The following TEX36 variants were observed in gnomAD, a reference collection of about 807,000 sequenced individuals.
TEX36 encodes the protein testis-expressed protein 36.
In TEX36, 12 loss-of-function variants were observed where a neutral mutation model predicts 13.6. The ratio of observed to expected loss-of-function variants is 0.88; its 90% confidence interval spans 0.56 to 1.43. The LOEUF (loss-of-function observed/expected upper bound fraction) is 1.43, where lower values mean the gene tolerates loss of function less well. TEX36 is among the 40% of genes most tolerant of loss of function. The probability of loss-of-function intolerance (pLI) is 0.00; values close to 1 mark genes in which losing one functional copy is unlikely to be tolerated. For synonymous variants in TEX36, 93 were observed against 83.0 expected (o/e 1.12, Z -0.65); for missense variants, 224 against 228.3 (o/e 0.98, Z 0.12).
intron 1 of TEX36, among the ~76,000 whole-genome samples, chr10:125,673,268 T>C (rs1008348850): frequency 4.6e-5 from 7 of 152,240 alleles, no homozygotes; most frequent in Admixed American, 4.6e-4. Context: ...CCTTTCTATA[T>C]TGAGTGCTTC....
intron 3 of TEX36, among the ~76,000 whole-genome samples, chr10:125,626,886 T>TC (rs1846496701): frequency 6.6e-6 from 1 of 152,096 alleles, no homozygotes; most frequent in Non-Finnish European, 1.5e-5. Context: ...GCCTTGCACT[T>TC]CCCTCCAGCA....
chr10:125,579,462 G>T (rs1038059495), intron 3 of TEX36, among the ~76,000 whole-genome samples: 5 of 152,170 alleles, frequency 3.3e-5, no homozygotes, highest in African/African-American at 4.8e-5. Context: ...CACCCAACAC[G>T]TGGGGATTAC....
At chr10:125,653,521 A>G (rs1169336045), downstream of TEX36, among the ~76,000 whole-genome samples, 1 of 151,918 alleles carries the variant, frequency 6.6e-6, no homozygotes, top group African/African-American at 2.4e-5. Flanking sequence ...TAGCATTAGG[A>G]GATATACCTA....
At chr10:125,672,024 CTTCT>C (rs1847240387) in intron 1 of TEX36, among the ~76,000 whole-genome samples, 1 of 151,618 alleles carries the variant, frequency 6.6e-6, no homozygotes, top group Admixed American at 6.6e-5. Flanking sequence ...TCTCTCTTTT[CTTCT>C]TTATTAGTCT....
chr10:125,655,994 A>C lies in TEX36; in HGVS notation c.467T>G (p.Phe156Cys). Residue 156 changes from phenylalanine to cysteine, a missense_variant, in exon 4 of 4, where the codon TTT becomes TGT. Physicochemically the swap from Phe to Cys is radical, Grantham distance 205 (BLOSUM62 -2). Transcript: ENST00000368821. The stretch of plus-strand genomic sequence containing the variant: ...CTCTGTATAGCTTCTCTCAGGAAGA[A>C]ATGTAAAAGCGTTCCATATCTCTTT... Reference protein sequence around the residue: ...CYKEIWNAFTFLPERSYTEVL... With the variant: ...CYKEIWNAFTCLPERSYTEVL... 1 of 1,551,812 alleles carries C rather than the reference A, an allele frequency of 6.4e-7. No homozygotes were observed. The highest frequency in any genetic ancestry group is 8.7e-7 in the Non-Finnish European group (1 of 1,147,006).
chr10:125,655,513 T>C (rs1308189872), downstream of TEX36, among the ~76,000 whole-genome samples: 2 of 152,240 alleles, frequency 1.3e-5, no homozygotes, highest in Admixed American at 1.3e-4. Context: ...TTATGTGTTA[T>C]GCACATGTAT....
At chr10:125,624,708 G>GCAGAAA (rs1565177235) in intron 3 of TEX36, among the ~76,000 whole-genome samples, 1 of 151,668 alleles carries the variant, frequency 6.6e-6, no homozygotes, top group Non-Finnish European at 1.5e-5. Flanking sequence ...GAAAGCAGCA[G>GCAGAAA]CAGAAACAGA....
At chr10:125,608,157 CTG>C (rs1249545783) in intron 3 of TEX36, among the ~76,000 whole-genome samples, 1 of 152,162 alleles carries the variant, frequency 6.6e-6, no homozygotes, top group East Asian at 1.9e-4. Flanking sequence ...AACAAGGACA[CTG>C]TTCACAATAA....
intron 3 of TEX36, among the ~76,000 whole-genome samples, chr10:125,641,164 T>C (rs192252129): frequency 1.1e-3 from 175 of 152,324 alleles, no homozygotes; most frequent in Admixed American, 9.6e-3. Context: ...GAATTAGCCA[T>C]GGCAGGAGAA....
intron 3 of TEX36, among the ~76,000 whole-genome samples, chr10:125,646,783 GA>G (rs887304660): frequency 4.0e-4 from 60 of 149,154 alleles, no homozygotes; most frequent in Admixed American, 3.1e-3. Flanking sequence ...TTAGAAAAAG[GA>G]AAAAAAAATG....
At chr10:125,599,209 C>T (rs1846116000) in intron 3 of TEX36, among the ~76,000 whole-genome samples, 1 of 152,184 alleles carries the variant, frequency 6.6e-6, no homozygotes, top group African/African-American at 2.4e-5. Context: ...TAGCAAACTG[C>T]ATCCACTAAC....
intron 3 of TEX36, among the ~76,000 whole-genome samples, chr10:125,585,706 G>C (rs1845938734): frequency 6.6e-6 from 1 of 152,178 alleles, no homozygotes; most frequent in Admixed American, 6.5e-5. Flanking sequence ...CACCCAGTTT[G>C]TTACCCCTTT....
chr10:125,585,462 C>T (rs1845933799), intron 3 of TEX36, among the ~76,000 whole-genome samples: 1 of 152,126 alleles, frequency 6.6e-6, no homozygotes, highest in Non-Finnish European at 1.5e-5. Flanking sequence ...CTTTCTCCCC[C>T]AAGGCCTGTC....
intron 3 of TEX36, among the ~76,000 whole-genome samples, chr10:125,611,193 T>G (rs890633392): frequency 6.6e-6 from 1 of 152,258 alleles, no homozygotes; most frequent in Non-Finnish European, 1.5e-5. Flanking sequence ...GTTAATATCC[T>G]TCACGCAATC....
chr10:125,681,120 C>G (rs1847386177), intron 1 of TEX36, among the ~76,000 whole-genome samples: 1 of 152,158 alleles, frequency 6.6e-6, no homozygotes, highest in African/African-American at 2.4e-5. Flanking sequence ...AGGCGCCTTC[C>G]ATCTTTTTGT....
intron 3 of TEX36, among the ~76,000 whole-genome samples, chr10:125,608,667 CTTG>C (rs1056522461): frequency 6.6e-6 from 1 of 152,106 alleles, no homozygotes; most frequent in Non-Finnish European, 1.5e-5. Context: ...CTCAGCACAT[CTTG>C]TTGAGGGCCT....
chr10:125,579,772 G>T (rs935916999), intron 3 of TEX36, among the ~76,000 whole-genome samples: 6 of 151,822 alleles, frequency 4.0e-5, no homozygotes, highest in African/African-American at 1.5e-4. Context: ...TCCTTCTCTG[G>T]CCATGTAAGA....
At chr10:125,583,789 G>A (rs1385582301) in intron 3 of TEX36, among the ~76,000 whole-genome samples, 1 of 152,116 alleles carries the variant, frequency 6.6e-6, no homozygotes, top group Non-Finnish European at 1.5e-5. Context: ...TAGATACATA[G>A]CCTGGAAGAA....
At chr10:125,682,085 C>A (rs567318010) in intron 1 of TEX36, among the ~76,000 whole-genome samples, 26 of 152,140 alleles carry the variant, frequency 1.7e-4, no homozygotes, top group Admixed American at 1.7e-3. Flanking sequence ...TTTCTCATTG[C>A]GAGTCTACTG....
Sources: allele counts gnomAD v4.1 joint callset (sites outside exome capture counted in the v4.1 genomes callset), GRCh38; gene constraint gnomAD v4.1.1; transcripts MANE v1.5; gene names NCBI Gene and HGNC (gene_info 2026-07-23, HGNC 2026-07-21).